PTGER3: variants seen among roughly 807,000 people sequenced by gnomAD.
PTGER3 encodes prostaglandin E receptor 3.
Under a neutral mutation model 34.7 loss-of-function variants are expected in PTGER3, and 22 were observed. That is an observed-to-expected ratio of 0.63 (90% CI 0.45 to 0.91). The LOEUF (loss-of-function observed/expected upper bound fraction) is 0.91. Ranked by LOEUF, PTGER3 falls within the 40% of genes least tolerant of loss-of-function variation. The pLI is 0.00. For synonymous variants in PTGER3, 241 were observed against 230.1 expected (o/e 1.05, Z -0.43); for missense variants, 468 against 519.4 (o/e 0.90, Z 0.96).
At chr1:70,966,615 A>G (rs1354498437), downstream of PTGER3, among the ~76,000 whole-genome samples, 1 of 151,378 alleles carries the variant, frequency 6.6e-6, no homozygotes, top group Non-Finnish European at 1.5e-5. Flanking sequence ...CGACCCCCCA[A>G]CAGGCCCTGG....
At chr1:70,975,467 T>C (rs1034006698) in intron 2 of PTGER3, among the ~76,000 whole-genome samples, 1 of 152,130 alleles carries the variant, frequency 6.6e-6, no homozygotes, top group Non-Finnish European at 1.5e-5. Flanking sequence ...AGAAATAAAA[T>C]CCAGTGTTTC....
intron 2 of PTGER3, among the ~76,000 whole-genome samples, chr1:70,962,570 G>T (rs1024414100): frequency 1.3e-5 from 2 of 152,202 alleles, no homozygotes; most frequent in Non-Finnish European, 2.9e-5. Context: ...GAGGAGCAAA[G>T]TCATGTCTTA....
At chr1:70,881,428 A>C (rs1576055) in intron 4 of PTGER3, among the ~76,000 whole-genome samples, 1 of 152,280 alleles carries the variant, frequency 6.6e-6, no homozygotes, top group East Asian at 1.9e-4. Flanking sequence ...CATTGCAGCC[A>C]GGTTAACAAC....
At chr1:70,937,852 C>G (rs916078655) in intron 4 of PTGER3, among the ~76,000 whole-genome samples, 2 of 151,762 alleles carry the variant, frequency 1.3e-5, no homozygotes, top group Non-Finnish European at 2.9e-5. Flanking sequence ...AAGCAATTGT[C>G]TCATTTTGCT....
At chr1:71,008,125 G>A in intron 2 of PTGER3, 1 of 978,480 alleles carries the variant, frequency 1.0e-6, no homozygotes, top group Non-Finnish European at 1.2e-6. Flanking sequence ...CTTTCTTTCT[G>A]TGAAAGAATG....
intron 2 of PTGER3, chr1:71,006,245 G>T (rs1213649691): frequency 1.0e-6 from 1 of 985,286 alleles, no homozygotes; most frequent in Non-Finnish European, 1.2e-6. Flanking sequence ...GGAGGAACCA[G>T]GGACAGAATT....
chr1:70,930,931 C>A (rs1648626932), intron 4 of PTGER3, among the ~76,000 whole-genome samples: 1 of 152,134 alleles, frequency 6.6e-6, no homozygotes, highest in African/African-American at 2.4e-5. Context: ...AGTCTTAACC[C>A]ATTTCAGCAT....
At chr1:71,029,819 C>T (rs775124594) in intron 1 of PTGER3, among the ~76,000 whole-genome samples, 23 of 151,538 alleles carry the variant, frequency 1.5e-4, no homozygotes, top group Admixed American at 6.6e-4. Context: ...CCAGTTGCTC[C>T]GGAGGCTGAG....
At chr1:70,995,959 A>G (rs911870035) in intron 2 of PTGER3, among the ~76,000 whole-genome samples, 1 of 152,128 alleles carries the variant, frequency 6.6e-6, no homozygotes, top group African/African-American at 2.4e-5. Context: ...GTTATCTCCA[A>G]TTTATAGATG....
At chr1:70,950,190 T>C (rs992868761), downstream of PTGER3, among the ~76,000 whole-genome samples, 8 of 152,138 alleles carry the variant, frequency 5.3e-5, no homozygotes, top group Admixed American at 2.0e-4. Flanking sequence ...AAACAACCTA[T>C]TGCATATGGA....
chr1:70,902,302 T>C (rs1034867900), intron 4 of PTGER3, among the ~76,000 whole-genome samples: 1 of 152,164 alleles, frequency 6.6e-6, no homozygotes, highest in Non-Finnish European at 1.5e-5. Context: ...CAGGTAAACC[T>C]GAGGGAGGAG....
chr1:70,936,032 A>G (rs1572695720), intron 4 of PTGER3, among the ~76,000 whole-genome samples: 1 of 152,312 alleles, frequency 6.6e-6, no homozygotes, highest in South Asian at 2.1e-4. Flanking sequence ...AAGTTTCTAG[A>G]AGTATGAAAA....
At chr1:70,933,575 T>C (rs532634633) in intron 4 of PTGER3, among the ~76,000 whole-genome samples, 1 of 152,312 alleles carries the variant, frequency 6.6e-6, no homozygotes, top group East Asian at 1.9e-4. Flanking sequence ...TTTATTTGCC[T>C]AGGCTCAGCG....
intron 1 of PTGER3, among the ~76,000 whole-genome samples, chr1:71,016,737 A>ATGTTGCAG (rs1657937288): frequency 6.6e-6 from 1 of 151,946 alleles, no homozygotes; most frequent in Admixed American, 6.6e-5. Context: ...TAGGAGGCAG[A>ATGTTGCAG]TGTTGCAGTG....
At chr1:70,905,014 G>T (rs910123928) in intron 4 of PTGER3, among the ~76,000 whole-genome samples, 2 of 152,136 alleles carry the variant, frequency 1.3e-5, no homozygotes, top group Non-Finnish European at 2.9e-5. Flanking sequence ...TAGGGACTTG[G>T]TGCCCTGTGT....
intron 4 of PTGER3, among the ~76,000 whole-genome samples, chr1:70,909,918 T>A (rs1192890683): frequency 2.0e-5 from 3 of 152,206 alleles, no homozygotes; most frequent in African/African-American, 7.2e-5. Context: ...ACTTAATCAC[T>A]TACCCACTAT....
Position 70,928,687 on chromosome 1 carries a change from G to A in PTGER3, c.*23+25076C>T, listed in dbSNP as rs1489695996. Among the ~76,000 whole-genome samples the A allele has an allele frequency of 2.6e-5, 4 of 152,032 alleles. No homozygotes were observed. In the East Asian group the frequency reaches 7.7e-4, roughly 29 times the overall value. On this transcript the variant is annotated intron_variant, in intron 4 of 4. Coordinates refer to the PTGER3 transcript ENST00000370931. ...ATGCGCAAGAGACTTTCTATTCTTG[G>A]GAAAAGGAATTGGAAACCGGAGAAA... is the stretch of plus-strand genomic sequence containing the variant.
At chr1:71,039,649 C>CA (rs1183485427) in intron 1 of PTGER3, among the ~76,000 whole-genome samples, 14,242 of 53,790 alleles carry the variant, frequency 0.26, 1,573 homozygotes, top group African/African-American at 0.38. Flanking sequence ...GACTCTGTCT[C>CA]AAAAAAAAAA....
chr1:70,917,308 G>A (rs867646030), intron 4 of PTGER3, among the ~76,000 whole-genome samples: 10 of 151,420 alleles, frequency 6.6e-5, no homozygotes, highest in South Asian at 6.2e-4. Flanking sequence ...TTTTGTGCCT[G>A]TTTAATTTCA....
Sources: allele counts gnomAD v4.1 joint callset (sites outside exome capture counted in the v4.1 genomes callset), GRCh38; gene constraint gnomAD v4.1.1; transcripts MANE v1.5; gene names NCBI Gene and HGNC (gene_info 2026-07-23, HGNC 2026-07-21).